Variants in NUCB1 observed in about 807,000 individuals in gnomAD.
NUCB1 encodes nucleobindin-1.
A neutral mutation model predicts 61.2 loss-of-function variants in NUCB1; 47 were observed. The observed-to-expected ratio is 0.77, with a 90% CI of 0.61 to 0.98. The LOEUF is 0.98. NUCB1 is among the 50% of genes least tolerant of loss of function. NUCB1 has a pLI of 0.00. For missense variants in NUCB1, 583 were observed against 605.3 expected, an observed-to-expected ratio of 0.96 and a Z score of 0.39; for synonymous variants, 234 against 243.1, an observed-to-expected ratio of 0.96 and a Z score of 0.35.
chr19:48,907,536 A>G (rs1204868662), intron 4 of NUCB1, among the ~76,000 whole-genome samples: 1 of 152,112 alleles, frequency 6.6e-6, no homozygotes. Context: ...CGGCCTTCCA[A>G]AGTGCTGGGA....
chr19:48,911,877 A>G (rs2037477994), intron 5 of NUCB1, among the ~76,000 whole-genome samples: 1 of 152,088 alleles, frequency 6.6e-6, no homozygotes, highest in African/African-American at 2.4e-5. Flanking sequence ...CATTTTACAG[A>G]GGTGGAAACT....
chr19:48,902,781 C>G (rs1453902709), intron 2 of NUCB1, among the ~76,000 whole-genome samples: 2 of 151,706 alleles, frequency 1.3e-5, no homozygotes, highest in African/African-American at 4.8e-5. Flanking sequence ...GCAGAGGGAA[C>G]AGCATGAGCA....
At chr19:48,913,780 A>G (rs148866801) in intron 7 of NUCB1, among the ~76,000 whole-genome samples, 166 of 152,022 alleles carry the variant, frequency 1.1e-3, no homozygotes, top group African/African-American at 3.6e-3. Context: ...CAAACACCAG[A>G]CCTCGGGGTT....
rs2037390440 is a variant in NUCB1, at chr19:48,904,454, G to A, written c.243G>A (p.Lys81=). ...AGGCTGCCAATGCGGAGGACATCAA[G>A]GTGCGGCTGGGGGAGTGGGGGCTGT... ...KLQAANAEDI[K]SGKLSRELDF... Residue 81 remains lysine, a splice_region_variant and synonymous_variant, in exon 3 of 13, where the codon AAG becomes AAA. Transcript: ENST00000405315. The A allele has an allele frequency of 1.2e-6, 2 of 1,606,600 alleles. No individual in the cohort carries two copies. Among genetic ancestry groups the A allele is most frequent in the South Asian group, 2.2e-5 (2 of 90,764 alleles).
intron 7 of NUCB1, among the ~76,000 whole-genome samples, chr19:48,917,147 G>A (rs926799089): frequency 6.6e-6 from 1 of 150,930 alleles, no homozygotes; most frequent in Admixed American, 6.6e-5. Flanking sequence ...CACTTGAGCC[G>A]AGGAGTTCAA....
intron 5 of NUCB1, 44 bp downstream of exon 5, chr19:48,911,296 G>A (rs1056145618): frequency 2.4e-5 from 34 of 1,399,730 alleles, no homozygotes; most frequent in Non-Finnish European, 3.4e-5. Flanking sequence ...GGGTAGCTTT[G>A]CGGAAGGGGA....
chr19:48,918,963 T>G, intron 8 of NUCB1, 67 bp from the exon 9 acceptor site: 1 of 1,508,540 alleles, frequency 6.6e-7, no homozygotes, highest in Non-Finnish European at 9.1e-7. Flanking sequence ...TGCTGGGAGT[T>G]GAAGTTGTCG....
chr19:48,916,176 G>T (rs2037538224), intron 7 of NUCB1, among the ~76,000 whole-genome samples: 1 of 151,124 alleles, frequency 6.6e-6, no homozygotes, highest in East Asian at 1.9e-4. Context: ...TTTGTCGTGT[G>T]TGTGTGTGTG....
intron 12 of NUCB1, 101 bp from the exon 13 acceptor site, chr19:48,922,217 C>T (rs2037618916): frequency 2.2e-6 from 2 of 919,078 alleles, no homozygotes; most frequent in East Asian, 5.1e-5. Flanking sequence ...GGGCTGGGGG[C>T]TGGACCCCTG....
At chr19:48,905,937 G>A (rs1209230231) in intron 4 of NUCB1, 52 bp downstream of exon 4, 2 of 1,504,246 alleles carry the variant, frequency 1.3e-6, no homozygotes, top group Non-Finnish European at 9.0e-7. Context: ...GGGAAGGGTG[G>A]CCTCACTCCC....
At position 48,911,897 on chromosome 19, in the gene NUCB1, A is replaced by C. The variant is rs2037478226; in HGVS notation, c.480+645A>C. On this transcript the variant is annotated intron_variant, in intron 5 of 12. Transcript: ENST00000405315. The stretch of plus-strand genomic sequence containing the variant: ...TACAGAGGTGGAAACTGAGGCACAA[A>C]GAGGCTGAGTAACTTGCCCAGTGTC... 2.6e-5 allele frequency among the ~76,000 whole-genome samples: 4 copies of C among 152,154 alleles called. No homozygotes were observed. In the South Asian group the frequency reaches 6.2e-4, roughly 24 times the overall value.
chr19:48,920,642 G>A (rs1232985733), intron 10 of NUCB1, among the ~76,000 whole-genome samples: 1 of 152,014 alleles, frequency 6.6e-6, no homozygotes, highest in Non-Finnish European at 1.5e-5. Context: ...TCCTGCCTCA[G>A]CCTCCTGAGT....
In NUCB1 at chr19:48,921,851, AAGCAGC is replaced by A. The variant is rs761983123; in HGVS notation, c.1215_1220del (p.Gln406_Gln407del). On this transcript the variant is annotated inframe_deletion, in exon 12 of 13. Coordinates refer to ENST00000405315, the MANE Select transcript of NUCB1 (RefSeq NM_006184.6). Reference sequence around the variant, plus strand: ...GGCTGTGCTGCACATGGAGCAGCGGAAGCAGCAGCAGCAGCAGCAGCAAGGCCACAA... The same window carrying A: ...GGCTGTGCTGCACATGGAGCAGCGGAAGCAGCAGCAGCAGCAAGGCCACAA... 302 of 1,612,190 alleles carry A rather than the reference AAGCAGC, an allele frequency of 1.9e-4. No individual in the cohort carries two copies. Among genetic ancestry groups the A allele is most frequent in the Non-Finnish European group, 2.3e-4 (267 of 1,179,702 alleles).
intron 4 of NUCB1, among the ~76,000 whole-genome samples, chr19:48,908,332 G>A (rs1003834524): frequency 1.3e-5 from 2 of 152,080 alleles, no homozygotes. Context: ...GTTTCACCAT[G>A]TTGGCCAGGC....
chr19:48,921,900 C>G lies in NUCB1; in HGVS notation c.1247C>G (p.Pro416Arg). 5 of 1,610,252 alleles carry G rather than the reference C, an allele frequency of 3.1e-6. No homozygotes were observed. The highest frequency in any genetic ancestry group is 4.2e-6 in the Non-Finnish European group (5 of 1,178,770). ...GGCCACAAGGCCCCGGCTGCCCACC[C>G]TGAGGGGCAGCTCAAGTTCCACCCA... The part of the protein sequence containing the change: ...QQGHKAPAAH[P>R]EGQLKFHPDT... The change falls in exon 12 of 13, where the codon CCT (proline) becomes CGT (arginine). Residue 416 changes from proline (P) to arginine (R), a missense_variant. By Grantham distance (103) the Pro-to-Arg change is moderately radical. Transcript: ENST00000405315.
chr19:48,902,199 C>T (rs1191616360), intron 2 of NUCB1, among the ~76,000 whole-genome samples: 1 of 151,820 alleles, frequency 6.6e-6, no homozygotes, highest in Non-Finnish European at 1.5e-5. Flanking sequence ...CAACCTCTGC[C>T]TCCCAGGTTC....
rs114252650 is a variant in NUCB1 at position 48,906,929 on chromosome 19, C to T, written c.376+1044C>T. On this transcript the variant is annotated intron_variant, in intron 4 of 12. Transcript: ENST00000405315. ...TCTTGCATAAGTACAGCGATAAAAT[C>T]GGGAGATTTATCAGGTCACACTGTT... 6.8e-3 allele frequency among the ~76,000 whole-genome samples: 1,029 copies of T among 152,004 alleles called. 12 individuals carry two copies. The highest frequency in any genetic ancestry group is 0.024 in the African/African-American group (987 of 41,482).
At chr19:48,914,157 G>T (rs2037512820) in intron 7 of NUCB1, among the ~76,000 whole-genome samples, 1 of 151,842 alleles carries the variant, frequency 6.6e-6, no homozygotes, top group South Asian at 2.1e-4. Flanking sequence ...TGTATTTTTA[G>T]TAGAGATGGG....
intron 4 of NUCB1, 63 bp downstream of exon 4, chr19:48,905,948 G>T: frequency 1.4e-6 from 2 of 1,438,824 alleles, no homozygotes; most frequent in Middle Eastern, 2.2e-4. Flanking sequence ...CCTCACTCCC[G>T]GCCTCCAGGT....
Sources: allele counts gnomAD v4.1 joint callset (sites outside exome capture counted in the v4.1 genomes callset), GRCh38; gene constraint gnomAD v4.1.1; transcripts MANE v1.5; gene names NCBI Gene and HGNC (gene_info 2026-07-23, HGNC 2026-07-21).